Variants in TCF12 observed in about 807,000 individuals in gnomAD.
TCF12 encodes the protein transcription factor 12.
In TCF12, 45 loss-of-function variants were observed where a neutral mutation model predicts 86.0. The ratio of observed to expected loss-of-function variants is 0.52; its 90% CI spans 0.41 to 0.67. The LOEUF (loss-of-function observed/expected upper bound fraction) is 0.67, where lower values mean the gene tolerates loss of function less well. Ranked by LOEUF, TCF12 falls within the 30% of genes least tolerant of loss-of-function variation. TCF12 has a pLI of 0.00. For synonymous variants in TCF12, 330 were observed against 299.6 expected (o/e 1.10, Z -1.05); for missense variants, 881 against 859.9 (o/e 1.02, Z -0.31).
At chr15:57,242,488 A>G (rs2059677166) in intron 12 of TCF12, among the ~76,000 whole-genome samples, 1 of 152,094 alleles carries the variant, frequency 6.6e-6, no homozygotes, top group Admixed American at 6.6e-5. Context: ...CAACCTGACC[A>G]ACATGACAAA....
At chr15:57,084,280 CTG>C (rs2048489278) in intron 4 of TCF12, among the ~76,000 whole-genome samples, 1 of 152,162 alleles carries the variant, frequency 6.6e-6, no homozygotes, top group African/African-American at 2.4e-5. Flanking sequence ...AACATTTTAA[CTG>C]TTAATTTTAC....
At chr15:57,012,117 C>G (rs1215332270) in intron 3 of TCF12, among the ~76,000 whole-genome samples, 1 of 151,926 alleles carries the variant, frequency 6.6e-6, no homozygotes, top group South Asian at 2.1e-4. Flanking sequence ...TTTTAATTTG[C>G]TTACAGAAAA....
chr15:57,024,732 T>C (rs1248718239), intron 3 of TCF12, among the ~76,000 whole-genome samples: 7 of 152,134 alleles, frequency 4.6e-5, no homozygotes, highest in African/African-American at 1.2e-4. Context: ...CAATCAGTAA[T>C]TGGAAGAATA....
chr15:57,254,189 A>G (rs533905085), intron 16 of TCF12, among the ~76,000 whole-genome samples: 2 of 152,230 alleles, frequency 1.3e-5, no homozygotes, highest in Non-Finnish European at 2.9e-5. Flanking sequence ...GGTTCATTGC[A>G]TGCTGTGAAA....
At position 57,263,209 on chromosome 15, in the gene TCF12, T is replaced by C. The variant is rs1242320449; in HGVS notation, c.1680T>C (p.Asp560=). 1.2e-6 allele frequency: 2 copies of C among 1,613,082 alleles called. No individual in the cohort carries two copies. Among genetic ancestry groups the C allele is most frequent in the African/African-American group, 1.3e-5 (1 of 74,896 alleles). ...DENLHEPPSS[D]DMKSDDESSQ... ...ACCTTCATGAACCTCCTTCATCAGA[T>C]GACATGAAGTCAGATGATGAATCCT... Residue 560 remains aspartate (D), a synonymous_variant, in exon 18 of 21, where the codon GAT becomes GAC. Coordinates refer to ENST00000333725, the MANE Select transcript of TCF12 (RefSeq NM_207037.2).
rs551681295 is a variant in TCF12, at chr15:56,986,942, G to A, written c.148+65844G>A. 3.9e-4 allele frequency among the ~76,000 whole-genome samples: 59 copies of A among 152,236 alleles called. No homozygotes were observed. The South Asian group carries it at 0.012, about 30-fold the overall frequency. On this transcript the variant is annotated intron_variant, in intron 3 of 20. Coordinates refer to ENST00000333725, the MANE Select transcript of TCF12 (RefSeq NM_207037.2). Reference sequence around the variant, plus strand: ...TATAGTGTTTTCTGTTAAGGAACTCGTTTATTGATTTATTGAAGATCTTTG... The same window carrying A: ...TATAGTGTTTTCTGTTAAGGAACTCATTTATTGATTTATTGAAGATCTTTG...
intron 3 of TCF12, among the ~76,000 whole-genome samples, chr15:56,922,914 T>C (rs529335602): frequency 3.3e-5 from 5 of 151,910 alleles, no homozygotes; most frequent in Non-Finnish European, 7.4e-5. Flanking sequence ...ATTTTACTTA[T>C]ATATTTTATA....
intron 4 of TCF12, among the ~76,000 whole-genome samples, chr15:57,085,704 C>G (rs2048578301): frequency 6.6e-6 from 1 of 152,186 alleles, no homozygotes; most frequent in South Asian, 2.1e-4. Context: ...ACACTTTTCT[C>G]TCTTTGAAAC....
chr15:56,962,280 TG>T (rs2140586394), intron 3 of TCF12, among the ~76,000 whole-genome samples: 1 of 152,374 alleles, frequency 6.6e-6, no homozygotes, highest in East Asian at 1.9e-4. Flanking sequence ...ATTGAATTTG[TG>T]TAACTGATGT....
intron 3 of TCF12, among the ~76,000 whole-genome samples, chr15:56,954,303 A>G (rs1293974904): frequency 2.6e-5 from 4 of 152,186 alleles, no homozygotes; most frequent in Non-Finnish European, 5.9e-5. Context: ...AAACCTGACA[A>G]AAACAAGAAA....
intron 8 of TCF12, 86 bp downstream of exon 8, chr15:57,197,911 T>G: frequency 7.6e-7 from 1 of 1,322,826 alleles, no homozygotes; most frequent in Non-Finnish European, 1.1e-6. Context: ...TACATTCGAT[T>G]GATGCGAGTG....
intron 3 of TCF12, among the ~76,000 whole-genome samples, chr15:56,924,888 A>G (rs1428286510): frequency 6.6e-6 from 1 of 152,216 alleles, no homozygotes; most frequent in East Asian, 1.9e-4. Context: ...TATACTTTTC[A>G]GGACAATTCC....
rs539515286 is a variant in TCF12 at position 57,022,229 on chromosome 15, C to G, written c.149-41521C>G. On this transcript the variant is annotated intron_variant, in intron 3 of 20. Coordinates refer to ENST00000333725, the MANE Select transcript of TCF12 (RefSeq NM_207037.2). ...CTGTCCCTCCCCCAGCTCCCCACCC[C>G]CCGATAGGTCCCGGTGTGTGATGTT... Among the ~76,000 whole-genome samples the G allele has an allele frequency of 3.6e-3, 544 of 152,146 alleles. 5 individuals carry two copies. Among genetic ancestry groups the G allele is most frequent in the African/African-American group, 0.012 (517 of 41,496 alleles).
chr15:56,976,368 G>T (rs913582878), intron 3 of TCF12, among the ~76,000 whole-genome samples: 1 of 150,320 alleles, frequency 6.7e-6, no homozygotes. Context: ...GTAGCTGGAA[G>T]TACAGGCGGC....
rs1323808746 is a variant in TCF12, at chr15:57,273,100, A to G, written c.1816A>G (p.Asn606Asp). ...IEREKERRMA[N>D]NARERLRVRD... is the part of the protein sequence containing the mutation. ...AAGGGAGAAGGAGAGGCGGATGGCT[A>G]ACAATGCCAGAGAACGCTTACGCGT... Residue 606 changes from asparagine (N) to aspartate (D), a missense_variant, in exon 19 of 21, where the codon AAC becomes GAC. By Grantham distance (23) the Asn-to-Asp change is conservative (BLOSUM62 1). This residue lies in a region of TCF12 where 46 missense variants were observed against 76.7 expected (regional missense o/e 0.60). Coordinates refer to ENST00000333725, the MANE Select transcript of TCF12 (RefSeq NM_207037.2). 2 of 1,614,118 alleles carry G rather than the reference A, an allele frequency of 1.2e-6. No homozygotes were observed. The highest frequency in any genetic ancestry group is 1.3e-5 in the African/African-American group (1 of 74,946).
At chr15:57,237,944 A>C (rs1249487749) in intron 12 of TCF12, among the ~76,000 whole-genome samples, 1 of 152,186 alleles carries the variant, frequency 6.6e-6, no homozygotes, top group African/African-American at 2.4e-5. Flanking sequence ...CCCACCATAC[A>C]CATTCTTTTT....
intron 3 of TCF12, among the ~76,000 whole-genome samples, chr15:57,001,011 A>AGTT (rs1437384791): frequency 7.4e-6 from 1 of 134,324 alleles, no homozygotes; most frequent in Non-Finnish European, 1.7e-5. Flanking sequence ...ATTTAAAAAA[A>AGTT]ATTTTTTTTT....
chr15:57,285,469 T>G (rs1298102587), intron 20 of TCF12, among the ~76,000 whole-genome samples: 1 of 152,214 alleles, frequency 6.6e-6, no homozygotes, highest in Non-Finnish European at 1.5e-5. Flanking sequence ...AAACATTTGT[T>G]GAGGACCTAC....
At chr15:56,959,484 A>T (rs999343499) in intron 3 of TCF12, among the ~76,000 whole-genome samples, 17 of 152,240 alleles carry the variant, frequency 1.1e-4, no homozygotes, top group Non-Finnish European at 1.6e-4. Flanking sequence ...TGTGGAGAGA[A>T]CAAAGTTTCT....
Sources: allele counts gnomAD v4.1 joint callset (sites outside exome capture counted in the v4.1 genomes callset), GRCh38; gene constraint gnomAD v4.1.1; regional missense constraint gnomAD v4.1.1; transcripts MANE v1.5; gene names NCBI Gene and HGNC (gene_info 2026-07-23, HGNC 2026-07-21).